Variants in TNR observed in about 807,000 individuals in gnomAD.
The protein encoded by TNR is tenascin-R.
A neutral mutation model predicts 150.4 loss-of-function variants in TNR; 45 were observed. That is an observed-to-expected ratio of 0.30 (90% CI 0.24 to 0.38). The LOEUF (loss-of-function observed/expected upper bound fraction) is 0.38. Among genes scored for constraint, TNR ranks in the 10% least tolerant of loss-of-function variants. The pLI is 1.00. For synonymous variants in TNR, 687 were observed against 678.4 expected (o/e 1.01, Z -0.20); for missense variants, 1,544 against 1,759.1 (o/e 0.88, Z 2.19).
chr1:175,500,267 G>A (rs193207896), intron 2 of TNR, among the ~76,000 whole-genome samples: 3 of 152,290 alleles, frequency 2.0e-5, no homozygotes, highest in Admixed American at 6.5e-5. Context: ...TGAGCCCAGG[G>A]AGTTGCTTGC....
chr1:175,568,927 G>A (rs962505482), intron 1 of TNR, among the ~76,000 whole-genome samples: 1 of 152,072 alleles, frequency 6.6e-6, no homozygotes, highest in Non-Finnish European at 1.5e-5. Flanking sequence ...TCCTTTGAAG[G>A]GTTTCTCTCT....
intron 1 of TNR, among the ~76,000 whole-genome samples, chr1:175,595,106 G>A (rs1211370850): frequency 6.6e-6 from 1 of 152,116 alleles, no homozygotes; most frequent in Non-Finnish European, 1.5e-5. Flanking sequence ...GACGGAGGTT[G>A]CAGTGAGCCA....
At chr1:175,654,719 C>CTTTTTTTTT (rs36087120) in intron 1 of TNR, among the ~76,000 whole-genome samples, 1 of 74,734 alleles carries the variant, frequency 1.3e-5, no homozygotes, top group Non-Finnish European at 2.4e-5. Context: ...AAGTTCCCTT[C>CTTTTTTTTT]TTTTTTTTTT....
At chr1:175,573,128 C>T (rs958862077) in intron 1 of TNR, among the ~76,000 whole-genome samples, 1 of 152,198 alleles carries the variant, frequency 6.6e-6, no homozygotes, top group Non-Finnish European at 1.5e-5. Flanking sequence ...CAGACGTTGA[C>T]CATAGAGGTA....
Position 175,646,747 on chromosome 1 carries a change from A to T in TNR, c.-165+96479T>A, listed in dbSNP as rs371854475. Among the ~76,000 whole-genome samples, 15 of 152,306 alleles carry T rather than the reference A, an allele frequency of 9.8e-5. No individual in the cohort carries two copies. The East Asian group carries it at 2.1e-3, about 22-fold the overall frequency. On this transcript the variant is annotated intron_variant, in intron 1 of 22. Coordinates refer to ENST00000367674, the MANE Select transcript of TNR (RefSeq NM_003285.3). Reference sequence around the variant, plus strand: ...GTCAATGGACTAGTCCCTGCTCCTTAGTCATGACAGGCAGGGTTTCTCCAT... The same window carrying T: ...GTCAATGGACTAGTCCCTGCTCCTTTGTCATGACAGGCAGGGTTTCTCCAT...
chr1:175,615,684 G>T (rs1290304481), intron 1 of TNR, among the ~76,000 whole-genome samples: 3 of 152,238 alleles, frequency 2.0e-5, no homozygotes, highest in Non-Finnish European at 2.9e-5. Context: ...AGGAATTAGA[G>T]TGTAGAGAGG....
At chr1:175,335,518 G>GGAA (rs1303530329) in intron 20 of TNR, 193 bp downstream of exon 20, 1 of 546,048 alleles carries the variant, frequency 1.8e-6, no homozygotes, top group African/African-American at 1.9e-5. Flanking sequence ...GAGAAAAGAG[G>GGAA]GAAACACCAC....
chr1:175,581,239 T>C (rs1353688550), intron 1 of TNR, among the ~76,000 whole-genome samples: 1 of 152,172 alleles, frequency 6.6e-6, no homozygotes, highest in African/African-American at 2.4e-5. Flanking sequence ...ACCCAGTGTC[T>C]TTTCCTCCAG....
intron 2 of TNR, among the ~76,000 whole-genome samples, chr1:175,486,183 G>A (rs1658003643): frequency 6.6e-6 from 1 of 150,522 alleles, no homozygotes; most frequent in South Asian, 2.1e-4. Context: ...GTGCAGGTTT[G>A]TTGCATCGGT....
chr1:175,603,469 A>G (rs1663314414), intron 1 of TNR, among the ~76,000 whole-genome samples: 1 of 152,252 alleles, frequency 6.6e-6, no homozygotes, highest in Non-Finnish European at 1.5e-5. Context: ...TCTACTTCTC[A>G]GCAGTCACTG....
chr1:175,688,796 C>G (rs1039594715), intron 1 of TNR, among the ~76,000 whole-genome samples: 7 of 152,236 alleles, frequency 4.6e-5, no homozygotes, highest in Admixed American at 4.6e-4. Context: ...ACCCATGAGC[C>G]AGTTCTCTGT....
At chr1:175,410,041 A>C (rs1654139290) in intron 2 of TNR, among the ~76,000 whole-genome samples, 1 of 152,206 alleles carries the variant, frequency 6.6e-6, no homozygotes, top group Non-Finnish European at 1.5e-5. Flanking sequence ...GCAGGTCGAC[A>C]TTGTATAGGG....
chr1:175,333,648 C>T lies in TNR; in HGVS notation c.3631+2063G>A, dbSNP rs148203460. 4.6e-5 allele frequency among the ~76,000 whole-genome samples: 7 copies of T among 152,286 alleles called. No homozygotes were observed. In the East Asian group the frequency reaches 1.2e-3, roughly 25 times the overall value. On this transcript the variant is annotated intron_variant, in intron 20 of 22. Coordinates refer to ENST00000367674, the MANE Select transcript of TNR (RefSeq NM_003285.3). ...TATCTCTCAGGCACTGTCATAGGTACATAGGTAATGGGGTTAGAAGATAAA... is the reference window on the plus strand; with the variant it reads ...TATCTCTCAGGCACTGTCATAGGTATATAGGTAATGGGGTTAGAAGATAAA...
chr1:175,527,661 C>A (rs1355253439), intron 2 of TNR, among the ~76,000 whole-genome samples: 1 of 152,138 alleles, frequency 6.6e-6, no homozygotes, highest in Admixed American at 6.5e-5. Context: ...TGCCTGACAA[C>A]TCTATGAATC....
chr1:175,681,964 T>G (rs1666048579), intron 1 of TNR, among the ~76,000 whole-genome samples: 1 of 152,022 alleles, frequency 6.6e-6, no homozygotes, highest in Non-Finnish European at 1.5e-5. Flanking sequence ...CTGCGACTCA[T>G]GCAGGAGACA....
intron 2 of TNR, among the ~76,000 whole-genome samples, chr1:175,493,132 C>T (rs1658332455): frequency 2.0e-5 from 3 of 152,074 alleles, no homozygotes; most frequent in African/African-American, 7.2e-5. Context: ...CCTCTCCTCT[C>T]CTCTTCTCCT....
In TNR at chr1:175,355,564, G is replaced by A. The variant is rs1451039635; in HGVS notation, c.3188C>T (p.Pro1063Leu). The change falls in exon 17 of 23, where the codon CCT (proline) becomes CTT (leucine). Residue 1063 changes from proline to leucine, a missense_variant. Around this residue, in one of 2 missense-constraint regions of TNR, gnomAD observed 290 missense variants for 429.7 expected, o/e 0.67. Coordinates refer to ENST00000367674, the MANE Select transcript of TNR (RefSeq NM_003285.3). ...ATAATTTTCAATCTCTGCCCTGGGA[G>A]GCTGCCAGGAGATCAGGGCACTTTG... is the stretch of plus-strand genomic sequence containing the variant. The part of the protein sequence containing the change: ...TRQSALISWQ[P>L]PRAEIENYVL... 2 of 1,614,112 alleles carry A rather than the reference G, an allele frequency of 1.2e-6. No individual in the cohort carries two copies. Among genetic ancestry groups the A allele is most frequent in the Admixed American group, 3.3e-5 (2 of 60,024 alleles).
chr1:175,723,231 T>A, intron 1 of TNR, among the ~76,000 whole-genome samples: 1 of 152,174 alleles, frequency 6.6e-6, no homozygotes, highest in Non-Finnish European at 1.5e-5. Context: ...TTATTTAAGG[T>A]TTTTGGGAGG....
At chr1:175,537,986 T>C (rs1367276617) in intron 1 of TNR, among the ~76,000 whole-genome samples, 1 of 152,166 alleles carries the variant, frequency 6.6e-6, no homozygotes, top group African/African-American at 2.4e-5. Flanking sequence ...TAATTCTTTT[T>C]TGGGTGAAAC....
Sources: gnomAD v4.1 joint callset for allele counts (sites outside exome capture counted in the v4.1 genomes callset) on GRCh38, gnomAD v4.1.1 for gene constraint, gnomAD v4.1.1 regional missense constraint, MANE v1.5 for transcripts, NCBI Gene and HGNC (gene_info 2026-07-23, HGNC 2026-07-21) for gene names.